CCSER1: variants seen among roughly 807,000 people sequenced by gnomAD.
The protein encoded by CCSER1 is coiled-coil serine rich protein 1, also known as serine-rich coiled-coil domain-containing protein 1.
CCSER1 carries 41 observed loss-of-function variants against 82.0 expected under a neutral mutation model. The ratio of observed to expected loss-of-function variants is 0.50; its 90% CI spans 0.39 to 0.65. The LOEUF (loss-of-function observed/expected upper bound fraction) is 0.65, where lower values mean the gene tolerates loss of function less well. Among genes scored for constraint, CCSER1 ranks in the 30% least tolerant of loss-of-function variants. The pLI, the probability that CCSER1 is intolerant of heterozygous loss-of-function variation, is 0.00. For synonymous variants in CCSER1, 414 were observed against 383.9 expected (o/e 1.08, Z -0.92); for missense variants, 1,119 against 1,064.2 (o/e 1.05, Z -0.72).
chr4:90,476,736 A>G (rs1765171910), intron 5 of CCSER1, among the ~76,000 whole-genome samples: 1 of 152,156 alleles, frequency 6.6e-6, no homozygotes, highest in Middle Eastern at 3.2e-3. Flanking sequence ...TTGTTATTTT[A>G]TCTCTCTGCT....
chr4:91,068,931 C>A (rs1721131562), intron 9 of CCSER1, among the ~76,000 whole-genome samples: 1 of 151,926 alleles, frequency 6.6e-6, no homozygotes. Flanking sequence ...GCCTGTAATC[C>A]CAGCACTTTG....
intron 10 of CCSER1, among the ~76,000 whole-genome samples, chr4:91,269,581 A>G (rs1560555975): frequency 6.6e-6 from 1 of 152,188 alleles, no homozygotes; most frequent in Non-Finnish European, 1.5e-5. Context: ...AACATTTACA[A>G]TGATTATATT....
intron 1 of CCSER1, among the ~76,000 whole-genome samples, chr4:90,150,782 A>T (rs1726696651): frequency 6.6e-6 from 1 of 152,114 alleles, no homozygotes; most frequent in South Asian, 2.1e-4. Context: ...GAAGCTGTGC[A>T]CTGGGTTTAA....
intron 5 of CCSER1, among the ~76,000 whole-genome samples, chr4:90,490,756 C>T (rs1767878779): frequency 6.6e-6 from 1 of 152,078 alleles, no homozygotes; most frequent in African/African-American, 2.4e-5. Flanking sequence ...CTAGTTTTCC[C>T]AGCACCATTT....
At chr4:90,152,645 G>A (rs1057079989) in intron 1 of CCSER1, among the ~76,000 whole-genome samples, 1 of 152,120 alleles carries the variant, frequency 6.6e-6, no homozygotes, top group Admixed American at 6.6e-5. Context: ...TAACGTGTGT[G>A]TAGAGAGCAC....
chr4:90,386,861 G>A (rs1015719493), intron 3 of CCSER1, among the ~76,000 whole-genome samples: 1 of 151,982 alleles, frequency 6.6e-6, no homozygotes, highest in African/African-American at 2.4e-5. Flanking sequence ...GACATTCTCG[G>A]CCCACCTAAT....
chr4:90,636,982 A>G lies in CCSER1; in HGVS notation c.1932+8750A>G, dbSNP rs141002997. Among the ~76,000 whole-genome samples, 164 of 152,358 alleles carry G rather than the reference A, an allele frequency of 1.1e-3. 1 individual carries two copies. In the East Asian group the frequency reaches 0.018, roughly 16 times the overall value. On this transcript the variant is annotated intron_variant, in intron 6 of 10. Transcript: ENST00000509176. ...CAGAATTAGCAGTAAATTTAATAGCATTGAAGAATATAAAGTTGTCATAAA... is the reference window on the plus strand; with the variant it reads ...CAGAATTAGCAGTAAATTTAATAGCGTTGAAGAATATAAAGTTGTCATAAA...
At chr4:90,848,138 A>C (rs1012978087) in intron 8 of CCSER1, among the ~76,000 whole-genome samples, 1 of 152,186 alleles carries the variant, frequency 6.6e-6, no homozygotes, top group Non-Finnish European at 1.5e-5. Flanking sequence ...TATATTTGCT[A>C]AATGTAAACA....
At chr4:90,887,693 C>G (rs1010371071) in intron 8 of CCSER1, among the ~76,000 whole-genome samples, 3 of 152,082 alleles carry the variant, frequency 2.0e-5, no homozygotes, top group African/African-American at 7.2e-5. Flanking sequence ...AGCATCCTGG[C>G]CAACATGGTG....
intron 9 of CCSER1, among the ~76,000 whole-genome samples, chr4:91,035,291 C>A (rs571214059): frequency 6.6e-6 from 1 of 151,610 alleles, no homozygotes; most frequent in Non-Finnish European, 1.5e-5. Context: ...GAGTCACATA[C>A]AAGAAAGAAA....
intron 10 of CCSER1, among the ~76,000 whole-genome samples, chr4:91,367,642 G>T (rs919198272): frequency 6.6e-6 from 1 of 151,912 alleles, no homozygotes; most frequent in Non-Finnish European, 1.5e-5. Flanking sequence ...AGAACATCAT[G>T]TCCACTCTCT....
chr4:90,306,624 A>G (rs114869290), intron 1 of CCSER1, among the ~76,000 whole-genome samples: 4,809 of 152,256 alleles, frequency 0.032, 198 homozygotes, highest in African/African-American at 0.096. Context: ...AATATTTGTC[A>G]TTTTTGTCAC....
intron 5 of CCSER1, among the ~76,000 whole-genome samples, chr4:90,522,716 C>T (rs1773286561): frequency 6.6e-6 from 1 of 152,152 alleles, no homozygotes; most frequent in Non-Finnish European, 1.5e-5. Flanking sequence ...ACTTTCCTTA[C>T]ACTCCTTTCT....
In CCSER1 at chr4:90,271,890, T is replaced by TTTTTTTTA. The variant is rs1553982851; in HGVS notation, c.-41-36354_-41-36353insTTTTTTTA. ...TTTTTTTTTTTTTTTTTTTTTTTTT[T>TTTTTTTTA]AAAAGGAGGTTTAATTGACTCACAG... On this transcript the variant is annotated intron_variant, in intron 1 of 10. Coordinates refer to ENST00000509176, the MANE Select transcript of CCSER1 (RefSeq NM_001145065.2). 9.3e-4 allele frequency among the ~76,000 whole-genome samples: 65 copies of TTTTTTTTA among 70,098 alleles called. 6 individuals are homozygous for TTTTTTTTA. The highest frequency in any genetic ancestry group is 0.011 in the Middle Eastern group (1 of 90). The allele number at this position is 70,098 out of a possible 152,430, so 46.0% of individuals were successfully genotyped here.
At chr4:90,888,283 A>G (rs1269648560) in intron 8 of CCSER1, among the ~76,000 whole-genome samples, 2 of 152,174 alleles carry the variant, frequency 1.3e-5, no homozygotes, top group Non-Finnish European at 2.9e-5. Context: ...ATTAAAGAGG[A>G]AAACACTTTT....
intron 10 of CCSER1, among the ~76,000 whole-genome samples, chr4:91,163,934 A>T (rs1458900056): frequency 2.0e-5 from 3 of 152,116 alleles, no homozygotes; most frequent in Non-Finnish European, 2.9e-5. Context: ...TTTACATTTA[A>T]GGTTAATATT....
intron 5 of CCSER1, among the ~76,000 whole-genome samples, chr4:90,570,847 C>T (rs541558573): frequency 1.3e-5 from 2 of 152,068 alleles, no homozygotes; most frequent in Admixed American, 6.5e-5. Context: ...AATTATACCA[C>T]CAAACAAAAA....
At chr4:91,523,888 A>G (rs750942774) in intron 10 of CCSER1, among the ~76,000 whole-genome samples, 21 of 152,142 alleles carry the variant, frequency 1.4e-4, no homozygotes, top group Non-Finnish European at 2.9e-4. Flanking sequence ...TTCTGCTCTG[A>G]TCTTAGTTAC....
intron 10 of CCSER1, among the ~76,000 whole-genome samples, chr4:91,247,950 C>T (rs956436113): frequency 6.6e-6 from 1 of 152,000 alleles, no homozygotes. Context: ...GATTCTAAGA[C>T]TTAGGCAGGA....
Sources: allele counts gnomAD v4.1 joint callset (sites outside exome capture counted in the v4.1 genomes callset), GRCh38; gene constraint gnomAD v4.1.1; transcripts MANE v1.5; gene names NCBI Gene and HGNC (gene_info 2026-07-23, HGNC 2026-07-21).